Variants in MICAL3 observed in about 807,000 individuals in gnomAD.
The protein encoded by MICAL3 is microtubule associated monooxygenase, calponin and LIM domain containing 3.
A neutral mutation model predicts 207.4 loss-of-function variants in MICAL3; 62 were observed. The ratio of observed to expected loss-of-function variants is 0.30; its 90% CI spans 0.24 to 0.37. The LOEUF (loss-of-function observed/expected upper bound fraction) is 0.37. Among genes scored for constraint, MICAL3 ranks in the 10% least tolerant of loss-of-function variants. The pLI, the probability that MICAL3 is intolerant of heterozygous loss-of-function variation, is 1.00. For synonymous variants in MICAL3, 1,077 were observed against 1,069.3 expected (o/e 1.01, Z -0.14); for missense variants, 2,368 against 2,635.6 (o/e 0.90, Z 2.22).
chr22:17,851,375 G>A (rs1322090448), intron 19 of MICAL3, among the ~76,000 whole-genome samples: 2 of 152,088 alleles, frequency 1.3e-5, no homozygotes, highest in Non-Finnish European at 2.9e-5. Context: ...TTTTATACAC[G>A]TCTTTATTAG....
intron 1 of MICAL3, among the ~76,000 whole-genome samples, chr22:17,995,888 T>G (rs1274206231): frequency 6.6e-6 from 1 of 151,962 alleles, no homozygotes; most frequent in Non-Finnish European, 1.5e-5. Context: ...GGGCCAGGCA[T>G]GGTGGCTCAC....
chr22:17,854,510 C>A (rs548331453), intron 19 of MICAL3, among the ~76,000 whole-genome samples: 10 of 152,146 alleles, frequency 6.6e-5, no homozygotes, highest in Non-Finnish European at 1.0e-4. Context: ...GAGGACCAAC[C>A]GAGAACTGCC....
At chr22:17,968,679 G>A (rs1257582573) in intron 1 of MICAL3, among the ~76,000 whole-genome samples, 5 of 152,192 alleles carry the variant, frequency 3.3e-5, no homozygotes, top group South Asian at 2.1e-4. Context: ...CCAACGAGCC[G>A]CTGAAAGAAA....
intron 1 of MICAL3, among the ~76,000 whole-genome samples, chr22:17,967,043 C>A (rs1935174424): frequency 6.6e-6 from 1 of 152,180 alleles, no homozygotes; most frequent in Non-Finnish European, 1.5e-5. Context: ...CTCCATGGGA[C>A]TGATCAAGGG....
At chr22:17,961,271 T>C (rs549112405) in intron 1 of MICAL3, among the ~76,000 whole-genome samples, 161 of 152,280 alleles carry the variant, frequency 1.1e-3, no homozygotes, top group Middle Eastern at 3.4e-3. Flanking sequence ...CAAAGATTTC[T>C]GGTCTGAGAA....
At chr22:18,011,841 G>A (rs995993165) in intron 1 of MICAL3, among the ~76,000 whole-genome samples, 8 of 151,264 alleles carry the variant, frequency 5.3e-5, no homozygotes, top group Non-Finnish European at 1.0e-4. Context: ...GCAGTGAGCC[G>A]AGATCGCACC....
chr22:17,993,076 CCTAT>C (rs1921875359), intron 1 of MICAL3, among the ~76,000 whole-genome samples: 1 of 152,168 alleles, frequency 6.6e-6, no homozygotes, highest in Admixed American at 6.5e-5. Flanking sequence ...TTTGAGAAAG[CCTAT>C]CTGTTTTGGA....
rs1488592845 is a variant in MICAL3 at position 17,796,491 on chromosome 22, G to A, written c.5651-5190C>T. ...GCCAGGATGGGCAAATTCAAATGAGGGTTCTGAGGCTCAACGGAGTTAAGT... is the reference window on the plus strand; with the variant it reads ...GCCAGGATGGGCAAATTCAAATGAGAGTTCTGAGGCTCAACGGAGTTAAGT... On this transcript the variant is annotated intron_variant, in intron 29 of 31. Transcript: ENST00000441493. This position sits in a 1 kb window ranked among gnomAD's most constrained non-coding sequence, Gnocchi z 4.4. 6.6e-6 allele frequency among the ~76,000 whole-genome samples: 1 copy of A among 152,234 alleles called. No individual in the cohort carries two copies. The highest frequency in any genetic ancestry group is 2.4e-5 in the African/African-American group (1 of 41,456).
At position 17,984,384 on chromosome 22, in the gene MICAL3, G is replaced by A. The variant is rs190331240; in HGVS notation, c.-75+39897C>T. Among the ~76,000 whole-genome samples, 601 of 152,332 alleles carry A rather than the reference G, an allele frequency of 3.9e-3. 7 individuals are homozygous for A. The highest frequency in any genetic ancestry group is 0.01 in the Middle Eastern group (3 of 294). On this transcript the variant is annotated intron_variant, in intron 1 of 31. Coordinates refer to ENST00000441493, the MANE Select transcript of MICAL3 (RefSeq NM_015241.3). ...CACCTAATCCTGCGAACGCCTCTGC[G>A]AGGAAGGCCTCCCTGGAGACTCGGA...
At chr22:17,880,857 G>C (rs552171905) in intron 16 of MICAL3, among the ~76,000 whole-genome samples, 4 of 152,336 alleles carry the variant, frequency 2.6e-5, no homozygotes, top group African/African-American at 7.2e-5. Flanking sequence ...ACTGTGCAGC[G>C]AGAGAAAAGG....
Position 17,865,993 on chromosome 22 carries a change from T to C in MICAL3, c.2448A>G (p.Pro816=). The part of the protein sequence containing the change: ...DIEDGKFYCK[P]HYCYRLSGYA... ...AGCCAGAGAGTCGATAGCAGTAGTGTGGCTTACAGTAGAATTTACCTGCAG... is the reference window on the plus strand; with the variant it reads ...AGCCAGAGAGTCGATAGCAGTAGTGCGGCTTACAGTAGAATTTACCTGCAG... Residue 816 remains proline, a synonymous_variant, in exon 18 of 32, where the codon CCA becomes CCG. Transcript: ENST00000441493. 6.2e-7 allele frequency: 1 copy of C among 1,613,880 alleles called. No individual in the cohort carries two copies. Among genetic ancestry groups the C allele is most frequent in the Non-Finnish European group, 8.5e-7 (1 of 1,179,746 alleles).
intron 7 of MICAL3, among the ~76,000 whole-genome samples, chr22:17,897,498 AAC>A (rs1456954628): frequency 6.6e-6 from 1 of 151,860 alleles, no homozygotes; most frequent in Non-Finnish European, 1.5e-5. Flanking sequence ...TTGCTGCCTA[AAC>A]ACACAGTCAT....
chr22:17,969,334 C>G (rs549509139), intron 1 of MICAL3, among the ~76,000 whole-genome samples: 1 of 152,192 alleles, frequency 6.6e-6, no homozygotes, highest in South Asian at 2.1e-4. Flanking sequence ...CCACTGCACC[C>G]GGCCAAATGA....
At chr22:17,982,732 A>AACATAACAAACATAACATAACATAAAAAT in intron 1 of MICAL3, among the ~76,000 whole-genome samples, 1 of 149,162 alleles carries the variant, frequency 6.7e-6, no homozygotes, top group Admixed American at 6.7e-5. Context: ...AACATAACAT[A>AACATAACAAACATAACATAACATAAAAAT]AAAATAAAAT....
intron 16 of MICAL3, among the ~76,000 whole-genome samples, chr22:17,880,154 G>A (rs1211627649): frequency 6.6e-6 from 1 of 152,176 alleles, no homozygotes; most frequent in African/African-American, 2.4e-5. Flanking sequence ...ATGTCTCTGT[G>A]GGCAGAGGGA....
At chr22:17,883,958 G>A in intron 16 of MICAL3, among the ~76,000 whole-genome samples, 1 of 152,304 alleles carries the variant, frequency 6.6e-6, no homozygotes, top group Non-Finnish European at 1.5e-5. Context: ...GTCAACTTGA[G>A]ACAAATGTGA....
At position 17,884,146 on chromosome 22, in the gene MICAL3, A is replaced by G. The variant is rs551732764; in HGVS notation, c.2241+1732T>C. ...ATGTTTTCCCAGAGCTACTACTCGA[A>G]TGAGCAGAGATTTCCTGCCCTCATG... On this transcript the variant is annotated intron_variant, in intron 16 of 31. Transcript: ENST00000441493. 3 of 566,352 alleles carry G rather than the reference A, an allele frequency of 5.3e-6. No homozygotes were observed. In the South Asian group the frequency reaches 7.6e-5, roughly 14 times the overall value. The allele number at this position is 566,352 out of a possible 1,614,324, so 35.1% of individuals were successfully genotyped here.
intron 17 of MICAL3, among the ~76,000 whole-genome samples, chr22:17,867,618 T>C (rs760091307): frequency 6.6e-6 from 1 of 152,170 alleles, no homozygotes; most frequent in Non-Finnish European, 1.5e-5. Context: ...GCTCGGCAAC[T>C]CACTCCCTCC....
At chr22:18,016,954 G>T (rs1924097217) in intron 1 of MICAL3, among the ~76,000 whole-genome samples, 1 of 150,342 alleles carries the variant, frequency 6.7e-6, no homozygotes, top group Admixed American at 6.7e-5. Flanking sequence ...AAAAAAAAAA[G>T]TTTCTTTTCT....
Sources: allele counts gnomAD v4.1 joint callset (sites outside exome capture counted in the v4.1 genomes callset), GRCh38; gene constraint gnomAD v4.1.1; non-coding constraint Gnocchi (gnomAD v3.1); transcripts MANE v1.5; gene names NCBI Gene and HGNC (gene_info 2026-07-23, HGNC 2026-07-21).